Variants in CALB2 observed in about 807,000 individuals in gnomAD.
The protein encoded by CALB2 is calbindin 2.
In CALB2, 34 loss-of-function variants were observed where a neutral mutation model predicts 45.9. The ratio of observed to expected loss-of-function variants is 0.74; its 90% CI spans 0.56 to 0.99. The LOEUF is 0.99. Among genes scored for constraint, CALB2 ranks in the 50% least tolerant of loss-of-function variants. CALB2 has a pLI of 0.00. For synonymous variants in CALB2, 142 were observed against 129.6 expected (o/e 1.10, Z -0.65); for missense variants, 344 against 339.3 (o/e 1.01, Z -0.11).
intron 1 of CALB2, among the ~76,000 whole-genome samples, chr16:71,364,783 A>G (rs1028536779): frequency 5.3e-5 from 8 of 152,016 alleles, no homozygotes; most frequent in African/African-American, 1.9e-4. Flanking sequence ...GTAGCTCTTC[A>G]CTCTGGGGCT....
chr16:71,388,118 C>G (rs1031316284), intron 10 of CALB2, among the ~76,000 whole-genome samples: 2 of 151,692 alleles, frequency 1.3e-5, no homozygotes, highest in African/African-American at 4.8e-5. Context: ...AGATAATGAC[C>G]CATCAGCCTA....
intron 1 of CALB2, among the ~76,000 whole-genome samples, 189 bp from the exon 2 acceptor site, chr16:71,371,964 G>A (rs1167565223): frequency 6.6e-6 from 1 of 152,158 alleles, no homozygotes. Context: ...CTGAATGTAT[G>A]TTGTTCATCT....
rs2042552183 is a variant in CALB2 at position 71,384,849 on chromosome 16, G to T, written c.627+13G>T. ...ATTTTACGACAAGGTAAGAGAGGGA[G>T]TTGGCATGGCAGGGAAAATCAGAAG... On this transcript the variant is annotated intron_variant, in intron 9 of 10. Transcript: ENST00000302628. 1.9e-6 allele frequency: 3 copies of T among 1,611,766 alleles called. No individual in the cohort carries two copies.
chr16:71,370,926 C>T (rs1172040941), intron 1 of CALB2, among the ~76,000 whole-genome samples: 1 of 152,134 alleles, frequency 6.6e-6, no homozygotes, highest in Non-Finnish European at 1.5e-5. Flanking sequence ...GCCTAAAGGA[C>T]CTCTCACTAC....
chr16:71,385,783 GT>G (rs2042563889), intron 10 of CALB2, 135 bp downstream of exon 10: 1 of 627,000 alleles, frequency 1.6e-6, no homozygotes, highest in African/African-American at 1.8e-5. Flanking sequence ...TAGACATTTT[GT>G]GGGTTTGCTT....
At chr16:71,371,011 C>T (rs1450081750) in intron 1 of CALB2, among the ~76,000 whole-genome samples, 1 of 152,190 alleles carries the variant, frequency 6.6e-6, no homozygotes, top group Admixed American at 6.5e-5. Flanking sequence ...CAGATTCATT[C>T]CCACCTTAGG....
At chr16:71,378,172 C>G (rs888799569) in intron 4 of CALB2, among the ~76,000 whole-genome samples, 1 of 151,902 alleles carries the variant, frequency 6.6e-6, no homozygotes, top group African/African-American at 2.4e-5. Flanking sequence ...TGCAGTGAGC[C>G]GACATAGCAC....
At chr16:71,366,973 C>T (rs1452140907) in intron 1 of CALB2, among the ~76,000 whole-genome samples, 2 of 152,062 alleles carry the variant, frequency 1.3e-5, no homozygotes, top group Non-Finnish European at 2.9e-5. Context: ...ACTCAGGTAC[C>T]TCTTACCTGT....
intron 10 of CALB2, 151 bp downstream of exon 10, chr16:71,385,799 T>C: frequency 1.7e-6 from 1 of 600,722 alleles, no homozygotes; most frequent in Non-Finnish European, 2.9e-6. Context: ...TTGCTTTTGG[T>C]TTTTTGATTT....
rs986497024 is a variant in CALB2 at position 71,381,970 on chromosome 16, G to A, written c.343-749G>A. ...GTAGAGGCTACAGTAAGCTTTGGAC[G>A]CCACTGCACCACAGCCTGGGTGACA... On this transcript the variant is annotated intron_variant, in intron 4 of 10. Transcript: ENST00000302628. Among the ~76,000 whole-genome samples, 4 of 149,240 alleles carry A rather than the reference G, an allele frequency of 2.7e-5. No homozygotes were observed. In the Admixed American group the frequency reaches 2.7e-4, roughly 10 times the overall value.
At chr16:71,383,900 C>G (rs1425330522) in intron 6 of CALB2, 70 bp from the exon 7 acceptor site, 6 of 1,542,710 alleles carry the variant, frequency 3.9e-6, no homozygotes, top group Non-Finnish European at 5.4e-6. Context: ...CCCATCCTCT[C>G]CAGTAAAAGG....
At chr16:71,376,541 ACATT>A (rs1420276093) in intron 3 of CALB2, among the ~76,000 whole-genome samples, 3 of 152,140 alleles carry the variant, frequency 2.0e-5, no homozygotes, top group Admixed American at 1.3e-4. Context: ...ACATGCATCC[ACATT>A]CAACCACACA....
At chr16:71,380,292 C>T (rs9935571) in intron 4 of CALB2, among the ~76,000 whole-genome samples, 2,986 of 43,946 alleles carry the variant, frequency 0.068, 464 homozygotes, top group Middle Eastern at 0.088. Context: ...CCTTCCTTTT[C>T]TTTTTTTTTT....
chr16:71,374,954 C>T (rs2042393929), intron 3 of CALB2, 120 bp downstream of exon 3: 2 of 646,158 alleles, frequency 3.1e-6, no homozygotes, highest in Non-Finnish European at 5.6e-6. Context: ...AGCTCCTGCA[C>T]CCCCAGCACT....
intron 1 of CALB2, among the ~76,000 whole-genome samples, chr16:71,365,561 C>A (rs1223917253): frequency 1.3e-5 from 2 of 152,162 alleles, no homozygotes; most frequent in African/African-American, 4.8e-5. Context: ...GATGAATCAC[C>A]AAGACAGTGT....
chr16:71,376,555 A>C (rs1289447940), intron 3 of CALB2, among the ~76,000 whole-genome samples: 2 of 151,924 alleles, frequency 1.3e-5, no homozygotes, highest in African/African-American at 2.4e-5. Flanking sequence ...TCAACCACAC[A>C]CACCCACATA....
intron 1 of CALB2, among the ~76,000 whole-genome samples, chr16:71,362,807 C>G (rs780513452): frequency 6.6e-6 from 1 of 152,188 alleles, no homozygotes; most frequent in African/African-American, 2.4e-5. Flanking sequence ...TTTTCTTTTA[C>G]TTTCTAAGTT....
At position 71,377,651 on chromosome 16, in the gene CALB2, C is replaced by A; in HGVS notation, c.262-16C>A. On this transcript the variant is annotated splice_polypyrimidine_tract_variant and intron_variant, in intron 3 of 10. Transcript: ENST00000302628. ...GTCCCTCCATAACGTTAGTGTCGCT[C>A]TCTGTATCTTCACAGCTGGCGCAGA... The A allele has an allele frequency of 6.2e-7, 1 of 1,602,166 alleles. No homozygotes were observed. Among genetic ancestry groups the A allele is most frequent in the Non-Finnish European group, 8.6e-7 (1 of 1,169,486 alleles).
At position 71,383,408 on chromosome 16, in the gene CALB2, C is replaced by T. The variant is rs1193560098; in HGVS notation, c.441C>T (p.Tyr147=). 9.9e-6 allele frequency: 16 copies of T among 1,614,012 alleles called. No homozygotes were observed. The highest frequency in any genetic ancestry group is 1.6e-4 in the Middle Eastern group (1 of 6,084). ...TGCTGAAGAAGGCGAACCGGCCGTA[C>T]GATGAGCCCAAGCTCCAGGAATACA... is the stretch of plus-strand genomic sequence containing the variant. ...SDLLKKANRP[Y]DEPKLQEYTQ... The change falls in exon 6 of 11, where the codon TAC becomes TAT. Residue 147 remains tyrosine (Y), a synonymous_variant. Transcript: ENST00000302628.
Sources: gnomAD v4.1 joint callset for allele counts (sites outside exome capture counted in the v4.1 genomes callset) on GRCh38, gnomAD v4.1.1 for gene constraint, MANE v1.5 for transcripts, NCBI Gene and HGNC (gene_info 2026-07-23, HGNC 2026-07-21) for gene names.